Variants in VPS13A observed in about 807,000 individuals in gnomAD.
VPS13A encodes intermembrane lipid transfer protein VPS13A.
Under a neutral mutation model 390.9 loss-of-function variants are expected in VPS13A, and 264 were observed. That is an observed-to-expected ratio of 0.68 (90% CI 0.61 to 0.75). The LOEUF (loss-of-function observed/expected upper bound fraction) is 0.75, where lower values mean the gene tolerates loss of function less well. VPS13A is among the 30% of genes least tolerant of loss of function. The pLI, the probability that VPS13A is intolerant of heterozygous loss-of-function variation, is 0.00. For missense variants in VPS13A, 3,409 were observed against 3,733.9 expected (o/e 0.91, Z 2.27); for synonymous variants, 1,231 against 1,227.1 (o/e 1.00, Z -0.07).
intron 54 of VPS13A, 27 bp downstream of exon 54, chr9:77,353,668 T>TTTTGGATTAATTTTGGA: frequency 6.4e-7 from 1 of 1,557,460 alleles, no homozygotes; most frequent in South Asian, 1.1e-5. Flanking sequence ...TTTGGATACA[T>TTTTGGATTAATTTTGGA]TTAAATGATC....
At chr9:77,328,441 A>G (rs145018131) in intron 45 of VPS13A, among the ~76,000 whole-genome samples, 37 of 152,348 alleles carry the variant, frequency 2.4e-4, no homozygotes, top group African/African-American at 8.9e-4. Flanking sequence ...TATCCCTTTA[A>G]GAAGAGATTC....
At chr9:77,253,146 GTTTT>G (rs1405630326) in intron 22 of VPS13A, among the ~76,000 whole-genome samples, 1 of 151,934 alleles carries the variant, frequency 6.6e-6, no homozygotes, top group African/African-American at 2.4e-5. Context: ...GGTATTTTCT[GTTTT>G]TTTATTTTAA....
chr9:77,207,213 T>TTATATATATATATATATA (rs61703004), intron 5 of VPS13A, among the ~76,000 whole-genome samples: 15 of 43,124 alleles, frequency 3.5e-4, no homozygotes, highest in South Asian at 2.7e-3. Flanking sequence ...TATTTAGATA[T>TTATATATATATATATATA]TATATATATA....
At chr9:77,411,379 C>G (rs1834912833) in intron 71 of VPS13A, among the ~76,000 whole-genome samples, 1 of 152,050 alleles carries the variant, frequency 6.6e-6, no homozygotes, top group African/African-American at 2.4e-5. Flanking sequence ...ATTAAAAGAA[C>G]TAGGCCGGGC....
intron 13 of VPS13A, 117 bp downstream of exon 13, chr9:77,221,473 T>C (rs1187454250): frequency 7.8e-6 from 9 of 1,153,346 alleles, no homozygotes; most frequent in Middle Eastern, 2.9e-4. Flanking sequence ...TCATCTCTTT[T>C]ACTTAGACTT....
intron 60 of VPS13A, among the ~76,000 whole-genome samples, chr9:77,365,968 A>G (rs1832404792): frequency 6.6e-6 from 1 of 152,160 alleles, no homozygotes; most frequent in Non-Finnish European, 1.5e-5. Flanking sequence ...TAATTATACA[A>G]TAATAGAAGA....
At chr9:77,378,555 CT>C (rs1375807904) in intron 67 of VPS13A, among the ~76,000 whole-genome samples, 1 of 151,922 alleles carries the variant, frequency 6.6e-6, no homozygotes, top group African/African-American at 2.4e-5. Context: ...AGTGTTCCCT[CT>C]TTAATTCCTG....
intron 3 of VPS13A, among the ~76,000 whole-genome samples, chr9:77,203,892 A>C (rs1465285585): frequency 6.6e-6 from 1 of 152,076 alleles, no homozygotes; most frequent in Non-Finnish European, 1.5e-5. Context: ...CTCTTTTAGA[A>C]ATCAGATAGT....
intron 12 of VPS13A, among the ~76,000 whole-genome samples, chr9:77,220,915 T>C (rs1823173764): frequency 6.6e-6 from 1 of 152,156 alleles, no homozygotes; most frequent in Admixed American, 6.5e-5. Flanking sequence ...CTAAATGTTA[T>C]TTGCCAATTA....
In VPS13A at chr9:77,355,089, T is replaced by G. The variant is rs577903854; in HGVS notation, c.7652+1448T>G. The stretch of plus-strand genomic sequence containing the variant: ...GCCTACTTTCCTTGCTACCTGTTGC[T>G]CATTTCTTTCTTTGCATTTATAACC... On this transcript the variant is annotated intron_variant, in intron 54 of 71. Coordinates refer to ENST00000360280, the MANE Select transcript of VPS13A (RefSeq NM_033305.3). Among the ~76,000 whole-genome samples, 4 of 152,320 alleles carry G rather than the reference T, an allele frequency of 2.6e-5. No homozygotes were observed. In the South Asian group the frequency reaches 8.3e-4, roughly 32 times the overall value.
intron 23 of VPS13A, among the ~76,000 whole-genome samples, chr9:77,271,063 A>C (rs772829169): frequency 6.6e-6 from 1 of 152,244 alleles, no homozygotes; most frequent in Non-Finnish European, 1.5e-5. Context: ...TTGTTAAAAA[A>C]GGTGAAAAGG....
Position 77,316,190 on chromosome 9 carries a change from A to C in VPS13A, c.4647A>C (p.Ser1549=). Residue 1549 remains serine (S), a synonymous_variant, in exon 39 of 72, where the codon TCA becomes TCC. Coordinates refer to ENST00000360280, the MANE Select transcript of VPS13A (RefSeq NM_033305.3). ...TTGTTTTAGTACCTACACAGGAATCAGTGAAGTGGGAAATTAATGTTATTA... is the reference window on the plus strand; with the variant it reads ...TTGTTTTAGTACCTACACAGGAATCCGTGAAGTGGGAAATTAATGTTATTA... The part of the protein sequence containing the change: ...TAKEEVPTQE[S]VKWEINVIIK... 1.2e-6 allele frequency: 2 copies of C among 1,610,512 alleles called. No homozygotes were observed. Among genetic ancestry groups the C allele is most frequent in the Non-Finnish European group, 1.7e-6 (2 of 1,177,288 alleles).
chr9:77,414,870 C>T (rs533649050), intron 71 of VPS13A, among the ~76,000 whole-genome samples: 17 of 152,212 alleles, frequency 1.1e-4, no homozygotes, highest in Middle Eastern at 3.4e-3. Context: ...CAACACTCTG[C>T]GTTGATCCTG....
chr9:77,220,473 A>G (rs1329063640), intron 12 of VPS13A, 90 bp downstream of exon 12: 3 of 913,036 alleles, frequency 3.3e-6, no homozygotes, highest in African/African-American at 1.7e-5. Flanking sequence ...TTTAAGATAT[A>G]CCATTTTTAA....
chr9:77,372,639 A>G (rs976409882), intron 67 of VPS13A, among the ~76,000 whole-genome samples: 5 of 152,246 alleles, frequency 3.3e-5, no homozygotes, highest in Non-Finnish European at 5.9e-5. Flanking sequence ...GGCCAGGGCA[A>G]TTAGGCAGGA....
rs1587673998 is a variant in VPS13A, at chr9:77,369,477, C to T, written c.8667+65C>T. The T allele has an allele frequency of 3.7e-6, 4 of 1,094,008 alleles. No homozygotes were observed. In the East Asian group the frequency reaches 9.4e-5, roughly 26 times the overall value. 67.8% of individuals were successfully genotyped at this position (1,094,008 alleles called of 1,614,324 possible). A position where few individuals can be genotyped will look rare whatever the true frequency, so the allele number is the denominator to read the frequency against. ...ATACTTTTGAATAGATAATACTTTTCTATTGTTAAGTTGAGTTAATAAGTG... is the reference window on the plus strand; with the variant it reads ...ATACTTTTGAATAGATAATACTTTTTTATTGTTAAGTTGAGTTAATAAGTG... On this transcript the variant is annotated intron_variant, in intron 63 of 71. Transcript: ENST00000360280.
In VPS13A at chr9:77,276,052, C is replaced by A; in HGVS notation, c.2668-13C>A. On this transcript the variant is annotated splice_polypyrimidine_tract_variant and intron_variant, in intron 25 of 71. Coordinates refer to ENST00000360280, the MANE Select transcript of VPS13A (RefSeq NM_033305.3). ...TTTATGTAGTGGTAATTTCTTTTTT[C>A]TTTCTTCTCCAGGTTTTGATCGAGT... 1.2e-6 allele frequency: 2 copies of A among 1,609,150 alleles called. No individual in the cohort carries two copies. The highest frequency in any genetic ancestry group is 8.5e-7 in the Non-Finnish European group (1 of 1,179,338).
intron 3 of VPS13A, among the ~76,000 whole-genome samples, chr9:77,201,713 C>T (rs1307718831): frequency 1.3e-5 from 2 of 152,084 alleles, no homozygotes; most frequent in Non-Finnish European, 2.9e-5. Context: ...TGTCTAGTTA[C>T]CACTGCTATA....
intron 61 of VPS13A, 52 bp downstream of exon 61, chr9:77,366,924 T>C: frequency 5.1e-6 from 8 of 1,581,694 alleles, no homozygotes; most frequent in Non-Finnish European, 6.9e-6. Flanking sequence ...CTATTTTATA[T>C]GTCCCTAAAA....
Sources: allele counts gnomAD v4.1 joint callset (sites outside exome capture counted in the v4.1 genomes callset), GRCh38; gene constraint gnomAD v4.1.1; transcripts MANE v1.5; gene names NCBI Gene and HGNC (gene_info 2026-07-23, HGNC 2026-07-21).